CLVS2: variants seen among roughly 807,000 people sequenced by gnomAD.
CLVS2 encodes clavesin 2, also known as clavesin-2.
A neutral mutation model predicts 29.0 loss-of-function variants in CLVS2; 19 were observed. The ratio of observed to expected loss-of-function variants is 0.66; its 90% CI spans 0.46 to 0.96. CLVS2 has a LOEUF of 0.96. CLVS2 is among the 40% of genes least tolerant of loss of function. The pLI is 0.00. For missense variants in CLVS2, 294 were observed against 404.1 expected (o/e 0.73, Z 2.34); for synonymous variants, 161 against 151.3 (o/e 1.06, Z -0.47).
chr6:123,015,647 A>G (rs930813445), intron 3 of CLVS2, among the ~76,000 whole-genome samples: 3 of 152,112 alleles, frequency 2.0e-5, no homozygotes, highest in Admixed American at 6.6e-5. Flanking sequence ...AATATAGGTG[A>G]AATTTATTTA....
intron 3 of CLVS2, among the ~76,000 whole-genome samples, chr6:123,029,943 G>A (rs1042871008): frequency 6.6e-6 from 1 of 152,140 alleles, no homozygotes; most frequent in Admixed American, 6.6e-5. Flanking sequence ...CTCATGCATC[G>A]TCCTACGTGG....
chr6:123,024,835 T>TAGTA (rs1244723706), intron 3 of CLVS2, among the ~76,000 whole-genome samples: 1 of 152,100 alleles, frequency 6.6e-6, no homozygotes, highest in Non-Finnish European at 1.5e-5. Flanking sequence ...AGGGGACGCC[T>TAGTA]AGTACTCAGG....
chr6:123,055,498 A>G (rs1053520079), intron 4 of CLVS2, among the ~76,000 whole-genome samples: 2 of 152,158 alleles, frequency 1.3e-5, no homozygotes, highest in Admixed American at 6.5e-5. Flanking sequence ...GCATGTACGT[A>G]TTATTCTGCC....
At chr6:123,063,465 G>A (rs1001794586) in intron 5 of CLVS2, among the ~76,000 whole-genome samples, 2 of 152,072 alleles carry the variant, frequency 1.3e-5, no homozygotes, top group African/African-American at 4.8e-5. Flanking sequence ...TCTATTTAGA[G>A]GCCAGAGGGG....
intron 2 of CLVS2, among the ~76,000 whole-genome samples, chr6:123,003,927 T>A (rs149669437): frequency 2.6e-4 from 39 of 152,348 alleles, no homozygotes; most frequent in Middle Eastern, 3.4e-3. Context: ...TCACTCATGA[T>A]CATACAACTG....
At chr6:122,998,220 T>A in intron 2 of CLVS2, 54 bp downstream of exon 2, 1 of 1,547,044 alleles carries the variant, frequency 6.5e-7, no homozygotes, top group East Asian at 2.3e-5. Context: ...TTTTCCAGAA[T>A]TTACCCCGAG....
Position 122,997,619 on chromosome 6 carries a change from G to C in CLVS2, c.-159G>C. ...TTGCTGGGGGAAAGCAGGAGCAACA[G>C]GGCACTTGATTGGACACCAAGATTA... On this transcript the variant is annotated 5_prime_UTR_variant, in exon 2 of 6. Transcript: ENST00000275162. 3 of 650,744 alleles carry C rather than the reference G, an allele frequency of 4.6e-6. No homozygotes were observed. The highest frequency in any genetic ancestry group is 7.7e-6 in the Non-Finnish European group (3 of 387,590). 40.3% of individuals were successfully genotyped at this position (650,744 alleles called of 1,614,324 possible). A position where few individuals can be genotyped will look rare whatever the true frequency, so the allele number is the denominator to read the frequency against.
chr6:123,034,511 C>T lies in CLVS2; in HGVS notation c.565-14111C>T, dbSNP rs1775123716. 2.0e-5 allele frequency among the ~76,000 whole-genome samples: 3 copies of T among 152,108 alleles called. No individual in the cohort carries two copies. The South Asian group carries it at 6.2e-4, about 32-fold the overall frequency. ...ATGTACATAAAATTCTCAACAAAAT[C>T]CATCAAAATTACAGAGCCAGAGGAG... On this transcript the variant is annotated intron_variant, in intron 3 of 5. Transcript: ENST00000275162.
chr6:123,007,827 T>G lies in CLVS2; in HGVS notation c.390-3158T>G, dbSNP rs139496863. On this transcript the variant is annotated intron_variant, in intron 2 of 5. Coordinates refer to ENST00000275162, the MANE Select transcript of CLVS2 (RefSeq NM_001010852.4). The stretch of plus-strand genomic sequence containing the variant: ...TGCTAGTTTTGATTTATAGCTTTCT[T>G]TCAGCATACAAGAGAAGAATAACAA... Among the ~76,000 whole-genome samples, 685 of 152,280 alleles carry G rather than the reference T, an allele frequency of 4.5e-3. 5 individuals carry two copies. The highest frequency in any genetic ancestry group is 0.015 in the African/African-American group (640 of 41,574).
At chr6:123,010,623 G>A (rs975472383) in intron 2 of CLVS2, among the ~76,000 whole-genome samples, 2 of 151,898 alleles carry the variant, frequency 1.3e-5, no homozygotes, top group Non-Finnish European at 2.9e-5. Context: ...TTTCAAATAC[G>A]AAGATATGAA....
chr6:123,022,625 G>C (rs1284667760), intron 3 of CLVS2, among the ~76,000 whole-genome samples: 1 of 151,966 alleles, frequency 6.6e-6, no homozygotes, highest in Admixed American at 6.6e-5. Context: ...GGTAAAATAT[G>C]GAAGAAATTT....
At chr6:123,057,429 C>T (rs946683654) in intron 5 of CLVS2, among the ~76,000 whole-genome samples, 3 of 146,844 alleles carry the variant, frequency 2.0e-5, no homozygotes, top group Non-Finnish European at 3.0e-5. Context: ...TCACTGCAAC[C>T]TCCACCTCCC....
chr6:123,044,667 GT>G lies in CLVS2; in HGVS notation c.565-3954del, dbSNP rs1468324098. On this transcript the variant is annotated intron_variant, in intron 3 of 5. Transcript: ENST00000275162. ...TTATGCATTCATCTCCTGCTATTTG[GT>G]AAATCTGCATTTGTCTCGGCTGGTA... is the stretch of plus-strand genomic sequence containing the variant. 1.8e-3 allele frequency among the ~76,000 whole-genome samples: 273 copies of G among 152,250 alleles called. 6 individuals carry two copies. In the East Asian group the frequency reaches 0.041, roughly 23 times the overall value.
intron 4 of CLVS2, among the ~76,000 whole-genome samples, chr6:123,053,668 T>C (rs1772648244): frequency 6.6e-6 from 1 of 152,020 alleles, no homozygotes; most frequent in African/African-American, 2.4e-5. Context: ...TGAATTTTGC[T>C]ATAAAGAGAA....
Position 123,070,795 on chromosome 6 carries a change from T to G in CLVS2, c.*7034T>G, listed in dbSNP as rs1772933434. ...AATCTCTTAAGAATCTCTCCTTTAT[T>G]TACTGCTGCCAAACTGTCATCTTTG... On this transcript the variant is annotated 3_prime_UTR_variant, in exon 6 of 6. Coordinates refer to ENST00000275162, the MANE Select transcript of CLVS2 (RefSeq NM_001010852.4). 2 of 152,046 alleles carry G rather than the reference T, an allele frequency of 1.3e-5. No homozygotes were observed. Among genetic ancestry groups the G allele is most frequent in the South Asian group, 4.1e-4 (2 of 4,834 alleles). 9.4% of individuals were successfully genotyped at this position (152,046 alleles called of 1,614,324 possible). A position where few individuals can be genotyped will look rare whatever the true frequency, so the allele number is the denominator to read the frequency against.
At chr6:123,051,516 C>G (rs1772610928) in intron 4 of CLVS2, among the ~76,000 whole-genome samples, 1 of 152,188 alleles carries the variant, frequency 6.6e-6, no homozygotes, top group African/African-American at 2.4e-5. Context: ...TCCAATGAAA[C>G]CCACTACCCT....
At chr6:123,048,201 G>T (rs936040201) in intron 3 of CLVS2, among the ~76,000 whole-genome samples, 1 of 151,202 alleles carries the variant, frequency 6.6e-6, no homozygotes, top group African/African-American at 2.4e-5. Flanking sequence ...GACTAGATAG[G>T]GATTTAATAA....
chr6:123,061,674 T>C (rs1772780315), intron 5 of CLVS2, among the ~76,000 whole-genome samples: 1 of 152,168 alleles, frequency 6.6e-6, no homozygotes, highest in African/African-American at 2.4e-5. Flanking sequence ...AAATATTTTG[T>C]TAAAAATGTC....
At chr6:123,041,866 A>G (rs1233022775) in intron 3 of CLVS2, among the ~76,000 whole-genome samples, 2 of 152,170 alleles carry the variant, frequency 1.3e-5, no homozygotes, top group African/African-American at 4.8e-5. Flanking sequence ...AATTAATGCT[A>G]AAAAGTTATC....
Sources: allele counts gnomAD v4.1 joint callset (sites outside exome capture counted in the v4.1 genomes callset), GRCh38; gene constraint gnomAD v4.1.1; transcripts MANE v1.5; gene names NCBI Gene and HGNC (gene_info 2026-07-23, HGNC 2026-07-21).